The following ZMYM1 variants were observed in gnomAD, a reference collection of about 807,000 sequenced individuals.
ZMYM1 encodes zinc finger MYM-type containing 1, also known as zinc finger MYM-type protein 1.
In ZMYM1, 39 loss-of-function variants were observed where a neutral mutation model predicts 60.0. That is an observed-to-expected ratio of 0.65 (90% CI 0.50 to 0.85). The LOEUF (loss-of-function observed/expected upper bound fraction) is 0.85, where lower values mean the gene tolerates loss of function less well. Among genes scored for constraint, ZMYM1 ranks in the 40% least tolerant of loss-of-function variants. ZMYM1 has a pLI of 0.00. For synonymous variants in ZMYM1, 413 were observed against 454.0 expected, an observed-to-expected ratio of 0.91 and a Z score of 1.15; for missense variants, 1,171 against 1,309.5, an observed-to-expected ratio of 0.89 and a Z score of 1.63.
intron 4 of ZMYM1, among the ~76,000 whole-genome samples, chr1:35,101,460 G>T (rs1175926314): frequency 6.8e-6 from 1 of 147,668 alleles, no homozygotes; most frequent in Non-Finnish European, 1.5e-5. Context: ...CAGCAATCTA[G>T]TATGCTGATA....
intron 6 of ZMYM1, among the ~76,000 whole-genome samples, chr1:35,110,050 A>C (rs1020901843): frequency 6.6e-6 from 1 of 152,028 alleles, no homozygotes; most frequent in Non-Finnish European, 1.5e-5. Context: ...ACCTGGCCTT[A>C]CTGCTTTCAT....
rs193207388 is a variant in ZMYM1, at chr1:35,083,098, A to G, written c.-75+3656A>G. ...TTTTACTGAATATAGAATTTTAAGT[A>G]GATTTTTCCCCAGCACTTTAAAGAT... On this transcript the variant is annotated intron_variant, in intron 1 of 9. Transcript: ENST00000359858. Among the ~76,000 whole-genome samples, 406 of 152,122 alleles carry G rather than the reference A, an allele frequency of 2.7e-3. 4 individuals are homozygous for G. The highest frequency in any genetic ancestry group is 9.5e-3 in the African/African-American group (395 of 41,526).
At chr1:35,118,241 CAAA>C (rs11364403), downstream of ZMYM1, among the ~76,000 whole-genome samples, 12 of 100,128 alleles carry the variant, frequency 1.2e-4, no homozygotes, top group Admixed American at 9.9e-5. Context: ...AACTCCGTCT[CAAA>C]AAAAAAAAAA....
At chr1:35,090,030 A>G (rs2971398) in intron 1 of ZMYM1, among the ~76,000 whole-genome samples, 150,359 of 151,738 alleles carry the variant, frequency 0.99, 74,503 homozygotes, top group East Asian at 1. Flanking sequence ...TCAGCCTCCC[A>G]GAGTAGCTGG....
At position 35,104,714 on chromosome 1, in the gene ZMYM1, T is replaced by C; in HGVS notation, c.752T>C (p.Met251Thr). The change falls in exon 6 of 10, where the codon ATG becomes ACG. Residue 251 changes from methionine (M) to threonine (T), a missense_variant. Transcript: ENST00000359858. ...TCTAGTCTGTCCCACATACTTCAGA[T>C]GGAAGGACAGTCTCATTACTTTAAT... ...TSSSLSHILQMEGQSHYFNSS... is the reference protein window; with the variant it reads ...TSSSLSHILQTEGQSHYFNSS... The C allele has an allele frequency of 3.1e-6, 5 of 1,614,206 alleles. No homozygotes were observed. The highest frequency in any genetic ancestry group is 4.2e-6 in the Non-Finnish European group (5 of 1,180,034).
At chr1:35,066,575 T>C (rs921287792) in intron 1 of ZMYM1, among the ~76,000 whole-genome samples, 1 of 152,200 alleles carries the variant, frequency 6.6e-6, no homozygotes, top group Non-Finnish European at 1.5e-5. Context: ...TAAAACATGT[T>C]CTGTGTTGTA....
In ZMYM1 at chr1:35,097,335, G is replaced by T. The variant is rs1254268033; in HGVS notation, c.188G>T (p.Gly63Val). ...FSESASQLTAGIQLSLASSGV... is the reference protein window; with the variant it reads ...FSESASQLTAVIQLSLASSGV... ...TTTATAGCTTCACAGTTGACTGCAG[G>T]CATTCAGCTTTCTCTGGCATCATCT... The change falls in exon 4 of 10, where the codon GGC (glycine) becomes GTC (valine). Residue 63 changes from glycine to valine, a missense_variant. Coordinates refer to ENST00000359858, the MANE Select transcript of ZMYM1 (RefSeq NM_024772.5). 2 of 1,606,110 alleles carry T rather than the reference G, an allele frequency of 1.2e-6. No individual in the cohort carries two copies. Among genetic ancestry groups the T allele is most frequent in the East Asian group, 2.2e-5 (1 of 44,746 alleles).
At chr1:35,081,209 G>C (rs2148487770) in intron 1 of ZMYM1, among the ~76,000 whole-genome samples, 1 of 152,262 alleles carries the variant, frequency 6.6e-6, no homozygotes, top group African/African-American at 2.4e-5. Context: ...GAGCCACCGT[G>C]CCCGGCCGAA....
chr1:35,088,454 A>ATATATGTGTG lies in ZMYM1; in HGVS notation c.-74-5459_-74-5458insATATGTGTGT, dbSNP rs1464546786. ...TATGTGTATATATATATATATATATATGTGTGTGTGTGTGTGTGTGTGTGT... is the reference window on the plus strand; with the variant it reads ...TATGTGTATATATATATATATATATATATATGTGTGTGTGTGTGTGTGTGTGTGTGTGTGT... On this transcript the variant is annotated intron_variant, in intron 1 of 9. Transcript: ENST00000359858. 1.3e-3 allele frequency among the ~76,000 whole-genome samples: 141 copies of ATATATGTGTG among 107,236 alleles called. 2 individuals are homozygous for ATATATGTGTG. The highest frequency in any genetic ancestry group is 5.7e-3 in the African/African-American group (134 of 23,482). 70.4% of individuals were successfully genotyped at this position (107,236 alleles called of 152,430 possible). A position where few individuals can be genotyped will look rare whatever the true frequency, so the allele number is the denominator to read the frequency against.
At chr1:35,060,603 G>A (rs988878464) in intron 1 of ZMYM1, among the ~76,000 whole-genome samples, 9 of 152,184 alleles carry the variant, frequency 5.9e-5, no homozygotes, top group African/African-American at 2.2e-4. Flanking sequence ...GTAGCTCTCA[G>A]TCTGTGCTGC....
chr1:35,113,439 A>C lies in ZMYM1; in HGVS notation c.1609A>C (p.Ser537Arg). 1 of 1,613,782 alleles carries C rather than the reference A, an allele frequency of 6.2e-7. No individual in the cohort carries two copies. ...ATACCAATTTTGTGATGGAGCTGTC[A>C]GTGACGATTTATCTATTCATTCGAA... ...REYQFCDGAV[S>R]DDLSIHSKQI... The change falls in exon 10 of 10, where the codon AGT (serine) becomes CGT (arginine). Residue 537 changes from serine to arginine, a missense_variant. Transcript: ENST00000359858.
intron 1 of ZMYM1, among the ~76,000 whole-genome samples, chr1:35,088,835 A>G (rs1642830448): frequency 7.7e-6 from 1 of 130,660 alleles, no homozygotes; most frequent in South Asian, 2.4e-4. Context: ...TTTTTGAGAC[A>G]GAGTCTCACA....
At chr1:35,117,047 G>A (rs1413443658), downstream of ZMYM1, among the ~76,000 whole-genome samples, 1 of 148,452 alleles carries the variant, frequency 6.7e-6, no homozygotes, top group Non-Finnish European at 1.5e-5. Context: ...GTTTCACCGT[G>A]GTCTCGATCT....
intron 9 of ZMYM1, 91 bp from the exon 10 acceptor site, chr1:35,112,886 T>G: frequency 8.4e-7 from 1 of 1,192,726 alleles, no homozygotes; most frequent in Non-Finnish European, 1.1e-6. Context: ...ACTCAGCCAT[T>G]TATTTTACTA....
chr1:35,117,468 C>G (rs1373902686), downstream of ZMYM1, among the ~76,000 whole-genome samples: 1 of 151,878 alleles, frequency 6.6e-6, no homozygotes, highest in African/African-American at 2.4e-5. Flanking sequence ...TACAGGTGCC[C>G]ACCACCACGC....
upstream of ZMYM1, chr1:35,079,360 G>C (rs1432585895): frequency 6.6e-6 from 1 of 152,252 alleles, no homozygotes; most frequent in Non-Finnish European, 1.5e-5. Context: ...AGAGCACGAC[G>C]GGAGAGGGGC....
intron 1 of ZMYM1, among the ~76,000 whole-genome samples, chr1:35,067,641 G>A (rs1380551395): frequency 1.3e-5 from 2 of 151,996 alleles, no homozygotes; most frequent in African/African-American, 2.4e-5. Flanking sequence ...TTGGGAGGCC[G>A]AGGTGGGTGG....
At chr1:35,117,666 C>T (rs576236963), downstream of ZMYM1, among the ~76,000 whole-genome samples, 2 of 151,964 alleles carry the variant, frequency 1.3e-5, no homozygotes, top group Admixed American at 6.6e-5. Context: ...ACAGGCCTGG[C>T]GCAGTGGCTC....
intron 4 of ZMYM1, among the ~76,000 whole-genome samples, chr1:35,103,432 T>C (rs1370191749): frequency 6.6e-6 from 1 of 152,216 alleles, no homozygotes; most frequent in Non-Finnish European, 1.5e-5. Context: ...TTCTTTCCCT[T>C]AGCATAATAT....
Sources: gnomAD v4.1 joint callset for allele counts (sites outside exome capture counted in the v4.1 genomes callset) on GRCh38, gnomAD v4.1.1 for gene constraint, MANE v1.5 for transcripts, NCBI Gene and HGNC (gene_info 2026-07-23, HGNC 2026-07-21) for gene names.